Variants in CATSPERB observed in about 807,000 individuals in gnomAD.
CATSPERB encodes cation channel sperm-associated auxiliary subunit beta.
In CATSPERB, 93 loss-of-function variants were observed where a neutral mutation model predicts 128.3. The ratio of observed to expected loss-of-function variants is 0.72; its 90% CI spans 0.61 to 0.86. The LOEUF (loss-of-function observed/expected upper bound fraction) is 0.86, where lower values mean the gene tolerates loss of function less well. Ranked by LOEUF, CATSPERB falls within the 40% of genes least tolerant of loss-of-function variation. CATSPERB has a pLI of 0.00. For synonymous variants in CATSPERB, 381 were observed against 448.8 expected (o/e 0.85, Z 1.91); for missense variants, 1,153 against 1,329.5 (o/e 0.87, Z 2.06).
chr14:91,723,212 AAAAC>A, intron 3 of CATSPERB, 23 bp from the exon 4 acceptor site: 1 of 1,483,172 alleles, frequency 6.7e-7, no homozygotes, highest in African/African-American at 1.4e-5. Context: ...AAGAAAAAAA[AAAAC>A]AACTAATAAC....
At chr14:91,681,669 A>G (rs934339528) in intron 11 of CATSPERB, among the ~76,000 whole-genome samples, 1 of 152,250 alleles carries the variant, frequency 6.6e-6, no homozygotes, top group Admixed American at 6.5e-5. Flanking sequence ...CTCATACCCT[A>G]GGGGCAAGCC....
At chr14:91,666,529 A>G (rs61990391) in intron 14 of CATSPERB, among the ~76,000 whole-genome samples, 60,098 of 151,982 alleles carry the variant, frequency 0.4, 12,052 homozygotes, top group Middle Eastern at 0.54. Context: ...AGCTCTTGGA[A>G]TCCTTACTCA....
intron 17 of CATSPERB, among the ~76,000 whole-genome samples, chr14:91,633,199 T>C (rs1351272244): frequency 6.6e-6 from 1 of 152,204 alleles, no homozygotes; most frequent in Non-Finnish European, 1.5e-5. Flanking sequence ...TAAATGTGTA[T>C]GCTTTTCTCC....
At chr14:91,602,082 A>G (rs1893616217) in intron 22 of CATSPERB, among the ~76,000 whole-genome samples, 1 of 152,204 alleles carries the variant, frequency 6.6e-6, no homozygotes, top group Non-Finnish European at 1.5e-5. Flanking sequence ...ATTAATTCAT[A>G]TATCATACAG....
chr14:91,691,811 T>C (rs572807791), intron 9 of CATSPERB, among the ~76,000 whole-genome samples: 1 of 152,316 alleles, frequency 6.6e-6, no homozygotes, highest in African/African-American at 2.4e-5. Context: ...AATTTACTTA[T>C]ACTTTAGTGT....
chr14:91,632,720 C>A (rs958140819), intron 17 of CATSPERB, among the ~76,000 whole-genome samples: 1 of 151,982 alleles, frequency 6.6e-6, no homozygotes, highest in African/African-American at 2.4e-5. Context: ...CAGGATTAAT[C>A]TAACAAATAA....
intron 15 of CATSPERB, among the ~76,000 whole-genome samples, chr14:91,649,934 T>C (rs1211672153): frequency 6.6e-6 from 1 of 152,186 alleles, no homozygotes; most frequent in Non-Finnish European, 1.5e-5. Context: ...TCAGGCTTTT[T>C]CTTATGCTCC....
In CATSPERB at chr14:91,589,650, G is replaced by A. The variant is rs1893362698; in HGVS notation, c.2840C>T (p.Pro947Leu). Residue 947 changes from proline (P) to leucine (L), a missense_variant, in exon 24 of 27, where the codon CCA (proline) becomes CTA (leucine). Pro to Leu is a moderately conservative substitution (Grantham distance 98). Coordinates refer to ENST00000256343, the MANE Select transcript of CATSPERB (RefSeq NM_024764.4). ...CAAAGAAACTGGATATTGTGTAATTGGAAACTTAAAGCGAGGAACCTAAAA... is the reference window on the plus strand; with the variant it reads ...CAAAGAAACTGGATATTGTGTAATTAGAAACTTAAAGCGAGGAACCTAAAA... ...CREKVPRFKF[P>L]ITQYPVSLEI... is the part of the protein sequence containing the mutation. The A allele has an allele frequency of 6.2e-7, 1 of 1,613,272 alleles. No individual in the cohort carries two copies. Among genetic ancestry groups the A allele is most frequent in the Non-Finnish European group, 8.5e-7 (1 of 1,179,590 alleles).
intron 12 of CATSPERB, 110 bp downstream of exon 12, chr14:91,674,066 T>C (rs1322539596): frequency 1.5e-6 from 1 of 645,984 alleles, no homozygotes; most frequent in Non-Finnish European, 2.7e-6. Flanking sequence ...AAAGAGTGAT[T>C]GTGAAGCCTT....
chr14:91,682,456 A>T (rs1340861103), intron 11 of CATSPERB, among the ~76,000 whole-genome samples: 1 of 152,136 alleles, frequency 6.6e-6, no homozygotes, highest in Non-Finnish European at 1.5e-5. Flanking sequence ...CCTCCCCAGG[A>T]ATGTAATCAA....
chr14:91,691,855 C>T (rs1325614425), intron 9 of CATSPERB, among the ~76,000 whole-genome samples: 1 of 151,982 alleles, frequency 6.6e-6, no homozygotes, highest in African/African-American at 2.4e-5. Context: ...AAAACCATGC[C>T]TTTTAATGAT....
chr14:91,625,494 T>C (rs549088890), intron 17 of CATSPERB, among the ~76,000 whole-genome samples: 18 of 152,242 alleles, frequency 1.2e-4, no homozygotes, highest in Non-Finnish European at 1.6e-4. Context: ...ACTAAGTGAA[T>C]GATATTACAT....
chr14:91,604,203 A>G (rs1893658839), intron 22 of CATSPERB, among the ~76,000 whole-genome samples: 1 of 152,084 alleles, frequency 6.6e-6, no homozygotes. Context: ...AGGAAGATCC[A>G]ACAGGAAAAA....
rs889778536 is a variant in CATSPERB, at chr14:91,591,932, T to C, written c.2780A>G (p.Lys927Arg). 3 of 1,614,110 alleles carry C rather than the reference T, an allele frequency of 1.9e-6. No homozygotes were observed. The highest frequency in any genetic ancestry group is 2.5e-6 in the Non-Finnish European group (3 of 1,179,966). ...CGAGAAAGCAACAGCATGTGAAAACTTCTGATCCTTTGTGCAGTTACACTC... is the reference window on the plus strand; with the variant it reads ...CGAGAAAGCAACAGCATGTGAAAACCTCTGATCCTTTGTGCAGTTACACTC... ...REECNCTKDQ[K>R]FSHAVAFSDC... Residue 927 changes from lysine (K) to arginine (R), a missense_variant, in exon 23 of 27, where the codon AAG (lysine) becomes AGG (arginine). Transcript: ENST00000256343.
chr14:91,691,388 T>C (rs1595180686), intron 10 of CATSPERB, 135 bp downstream of exon 10: 5 of 412,742 alleles, frequency 1.2e-5, no homozygotes, highest in South Asian at 8.3e-5. Context: ...TAAAAAAATA[T>C]ATATTTTGTT....
At chr14:91,617,441 A>G (rs1621967) in intron 20 of CATSPERB, among the ~76,000 whole-genome samples, 156 bp downstream of exon 20, 113,051 of 152,104 alleles carry the variant, frequency 0.74, 42,557 homozygotes, top group East Asian at 0.97. Context: ...TTATTACAAC[A>G]CTTTCTTCAA....
chr14:91,690,678 C>A (rs1335228324), intron 10 of CATSPERB, among the ~76,000 whole-genome samples: 1 of 152,236 alleles, frequency 6.6e-6, no homozygotes, highest in Non-Finnish European at 1.5e-5. Flanking sequence ...ATTAGTATGA[C>A]AATTAGTCAG....
rs1032154124 is a variant in CATSPERB at position 91,679,338 on chromosome 14, T to A, written c.931+4539A>T. Among the ~76,000 whole-genome samples the A allele has an allele frequency of 1.1e-4, 17 of 152,264 alleles. 1 individual carries two copies. Among genetic ancestry groups the A allele is most frequent in the African/African-American group, 3.8e-4 (16 of 41,568 alleles). ...GTAAGTTGTGTTCTTATTAAAATAA[T>A]TTTGTATGAGGAAATATCTTATATG... is the stretch of plus-strand genomic sequence containing the variant. On this transcript the variant is annotated intron_variant, in intron 11 of 26. Transcript: ENST00000256343.
At chr14:91,611,416 C>T (rs1280631614) in intron 20 of CATSPERB, among the ~76,000 whole-genome samples, 3 of 152,132 alleles carry the variant, frequency 2.0e-5, no homozygotes, top group African/African-American at 7.2e-5. Flanking sequence ...TCAAGACCAG[C>T]CTGGCCAACA....
Sources: gnomAD v4.1 joint callset for allele counts (sites outside exome capture counted in the v4.1 genomes callset) on GRCh38, gnomAD v4.1.1 for gene constraint, MANE v1.5 for transcripts, NCBI Gene and HGNC (gene_info 2026-07-23, HGNC 2026-07-21) for gene names.